HHAT: variants seen among roughly 807,000 people sequenced by gnomAD.
HHAT encodes the protein hedgehog acyltransferase.
HHAT carries 47 observed loss-of-function variants against 70.8 expected under a neutral mutation model. The observed-to-expected ratio is 0.66, with a 90% CI of 0.53 to 0.85. HHAT has a LOEUF of 0.85. Among genes scored for constraint, HHAT ranks in the 40% least tolerant of loss-of-function variants. The pLI is 0.00. For synonymous variants in HHAT, 228 were observed against 247.6 expected (o/e 0.92, Z 0.74); for missense variants, 609 against 604.8 (o/e 1.01, Z -0.07).
At chr1:210,329,789 C>T (rs139640934) in intron 1 of HHAT, among the ~76,000 whole-genome samples, 9,649 of 152,240 alleles carry the variant, frequency 0.063, 439 homozygotes, top group Middle Eastern at 0.11. Flanking sequence ...CTCTGGTCGC[C>T]CAGGCTGGAG....
chr1:210,456,373 T>G (rs984681671), intron 7 of HHAT, among the ~76,000 whole-genome samples: 1 of 152,196 alleles, frequency 6.6e-6, no homozygotes, highest in Non-Finnish European at 1.5e-5. Flanking sequence ...TTGCATTTCC[T>G]GGAAGCAGCC....
At chr1:210,379,241 C>T (rs901901167) in intron 3 of HHAT, among the ~76,000 whole-genome samples, 2 of 152,246 alleles carry the variant, frequency 1.3e-5, no homozygotes, top group African/African-American at 4.8e-5. Flanking sequence ...CCACCATTTT[C>T]TTCAGAAGTC....
chr1:210,442,035 A>G (rs1234173990), intron 7 of HHAT, among the ~76,000 whole-genome samples: 10 of 125,888 alleles, frequency 7.9e-5, no homozygotes, highest in Non-Finnish European at 1.4e-4. Flanking sequence ...AGAGTGTGAT[A>G]TTCCCCTTCC....
chr1:210,654,660 T>C (rs1035044107), intron 11 of HHAT, among the ~76,000 whole-genome samples: 14 of 152,042 alleles, frequency 9.2e-5, no homozygotes, highest in Non-Finnish European at 1.8e-4. Flanking sequence ...ATGATGAGAG[T>C]CGCATGATGG....
At chr1:210,548,548 G>A (rs1329152743) in intron 9 of HHAT, among the ~76,000 whole-genome samples, 1 of 152,196 alleles carries the variant, frequency 6.6e-6, no homozygotes, top group African/African-American at 2.4e-5. Context: ...AGAAGGTGGG[G>A]ACAGGCACCC....
chr1:210,621,717 G>A (rs767588755), intron 10 of HHAT, among the ~76,000 whole-genome samples: 95 of 152,092 alleles, frequency 6.2e-4, no homozygotes, highest in Non-Finnish European at 1.2e-3. Flanking sequence ...CCTCTTGTAC[G>A]TGCCTGTGGC....
At chr1:210,392,464 T>A (rs954784916) in intron 4 of HHAT, among the ~76,000 whole-genome samples, 2 of 152,192 alleles carry the variant, frequency 1.3e-5, no homozygotes, top group African/African-American at 4.8e-5. Flanking sequence ...TCTGTGAAAT[T>A]TTAATACTAC....
At chr1:210,493,739 C>T (rs759635581) in intron 8 of HHAT, among the ~76,000 whole-genome samples, 4 of 152,052 alleles carry the variant, frequency 2.6e-5, no homozygotes, top group Non-Finnish European at 5.9e-5. Context: ...TGACGGGAAA[C>T]GTCTCAAGGC....
chr1:210,336,794 AAAAAT>A (rs1159128058), intron 1 of HHAT, among the ~76,000 whole-genome samples: 1 of 151,306 alleles, frequency 6.6e-6, no homozygotes, highest in African/African-American at 2.5e-5. Flanking sequence ...GAAAAAAATA[AAAAAT>A]AAGAAAAAGG....
chr1:210,605,608 G>A (rs142365646), intron 10 of HHAT, among the ~76,000 whole-genome samples: 21 of 152,274 alleles, frequency 1.4e-4, no homozygotes, highest in East Asian at 9.7e-4. Flanking sequence ...CCTTATAGGC[G>A]TGTATTATCA....
chr1:210,389,451 A>G (rs933629792), intron 4 of HHAT, among the ~76,000 whole-genome samples: 2 of 152,102 alleles, frequency 1.3e-5, no homozygotes, highest in Admixed American at 1.3e-4. Context: ...CCCAAATCTC[A>G]TGTCAAATTG....
chr1:210,568,857 G>A (rs934026261), intron 9 of HHAT, among the ~76,000 whole-genome samples: 12 of 152,268 alleles, frequency 7.9e-5, no homozygotes, highest in African/African-American at 1.2e-4. Flanking sequence ...TCCTGCCCCA[G>A]TTGGTCAAAA....
intron 6 of HHAT, among the ~76,000 whole-genome samples, chr1:210,414,288 C>T (rs1267444137): frequency 1.3e-5 from 2 of 152,178 alleles, no homozygotes; most frequent in Non-Finnish European, 2.9e-5. Flanking sequence ...TCAAAGGCCC[C>T]ACCTCCTAGT....
intron 1 of HHAT, among the ~76,000 whole-genome samples, chr1:210,341,611 A>G (rs1325860342): frequency 6.6e-6 from 1 of 152,172 alleles, no homozygotes; most frequent in Non-Finnish European, 1.5e-5. Flanking sequence ...AAAGGGACCT[A>G]AAAACTTAGC....
chr1:210,644,721 G>T (rs1057005781), intron 11 of HHAT, among the ~76,000 whole-genome samples: 6 of 151,868 alleles, frequency 4.0e-5, no homozygotes, highest in African/African-American at 1.2e-4. Context: ...GTCTTCTTTT[G>T]GAAATTTATG....
intron 9 of HHAT, among the ~76,000 whole-genome samples, chr1:210,576,638 C>T (rs544060833): frequency 5.9e-5 from 9 of 151,956 alleles, no homozygotes; most frequent in African/African-American, 2.2e-4. Context: ...GCACGTTGTG[C>T]ACATGTACCC....
At chr1:210,419,549 G>A (rs1373197651) in intron 7 of HHAT, among the ~76,000 whole-genome samples, 1 of 152,158 alleles carries the variant, frequency 6.6e-6, no homozygotes. Flanking sequence ...TGATCCTCCA[G>A]GCAGATCAAG....
intron 11 of HHAT, among the ~76,000 whole-genome samples, chr1:210,654,745 A>G (rs1221713112): frequency 6.6e-6 from 1 of 152,222 alleles, no homozygotes; most frequent in Non-Finnish European, 1.5e-5. Flanking sequence ...TGGAATGAGT[A>G]CAGTGCAGCC....
chr1:210,426,479 G>T (rs1434558971), intron 7 of HHAT, among the ~76,000 whole-genome samples: 1 of 152,130 alleles, frequency 6.6e-6, no homozygotes, highest in African/African-American at 2.4e-5. Context: ...CTGTGGGTTT[G>T]TCATAGATGG....
Sources: gnomAD v4.1 joint callset for allele counts (sites outside exome capture counted in the v4.1 genomes callset) on GRCh38, gnomAD v4.1.1 for gene constraint, MANE v1.5 for transcripts, NCBI Gene and HGNC (gene_info 2026-07-23, HGNC 2026-07-21) for gene names.